The following GRIK2 variants were observed in gnomAD, a reference collection of about 807,000 sequenced individuals.
GRIK2 encodes the protein glutamate ionotropic receptor kainate type subunit 2.
In GRIK2, 32 loss-of-function variants were observed where a neutral mutation model predicts 100.3. The observed-to-expected ratio is 0.32, with a 90% CI of 0.24 to 0.43. GRIK2 has a LOEUF of 0.43. Ranked by LOEUF, GRIK2 falls within the 20% of genes least tolerant of loss-of-function variation. GRIK2 has a pLI of 1.00. For synonymous variants in GRIK2, 417 were observed against 389.4 expected, an observed-to-expected ratio of 1.07 and a Z score of -0.83; for missense variants, 843 against 1,114.9, an observed-to-expected ratio of 0.76 and a Z score of 3.47.
At chr6:101,973,699 G>A (rs893347512) in intron 14 of GRIK2, among the ~76,000 whole-genome samples, 1 of 151,894 alleles carries the variant, frequency 6.6e-6, no homozygotes, top group African/African-American at 2.4e-5. Flanking sequence ...GGGGGAAATT[G>A]CCCTAAATAG....
At chr6:101,440,990 T>TA (rs1465225871) in intron 2 of GRIK2, among the ~76,000 whole-genome samples, 29 of 150,962 alleles carry the variant, frequency 1.9e-4, no homozygotes, top group Admixed American at 7.9e-4. Context: ...TTTTTTTTTT[T>TA]AAGACAGGAT....
intron 12 of GRIK2, among the ~76,000 whole-genome samples, chr6:101,897,858 A>G (rs1306885931): frequency 1.3e-5 from 2 of 151,914 alleles, no homozygotes; most frequent in Non-Finnish European, 2.9e-5. Flanking sequence ...TTAATGCCAA[A>G]CATGACACTT....
intron 15 of GRIK2, among the ~76,000 whole-genome samples, chr6:102,037,652 A>T (rs962157237): frequency 4.0e-5 from 6 of 151,350 alleles, no homozygotes; most frequent in Non-Finnish European, 8.9e-5. Context: ...TATTAAAATG[A>T]TTGTGTTTTC....
intron 2 of GRIK2, among the ~76,000 whole-genome samples, chr6:101,553,935 C>T (rs1376140813): frequency 6.6e-6 from 1 of 152,186 alleles, no homozygotes; most frequent in Admixed American, 6.5e-5. Flanking sequence ...GAGGAACTAT[C>T]TACTGACAGA....
intron 14 of GRIK2, among the ~76,000 whole-genome samples, chr6:102,014,692 C>T (rs1795739518): frequency 6.6e-6 from 1 of 152,104 alleles, no homozygotes; most frequent in African/African-American, 2.4e-5. Flanking sequence ...TCATTATTTA[C>T]TGCAAAGTCA....
chr6:101,806,699 T>C (rs1042795495), intron 9 of GRIK2, among the ~76,000 whole-genome samples: 3 of 151,168 alleles, frequency 2.0e-5, no homozygotes, highest in Admixed American at 2.0e-4. Context: ...ATAGAAACAG[T>C]TTTCCCAGCC....
At chr6:101,918,117 T>G (rs1789238063) in intron 12 of GRIK2, among the ~76,000 whole-genome samples, 1 of 151,674 alleles carries the variant, frequency 6.6e-6, no homozygotes, top group African/African-American at 2.4e-5. Flanking sequence ...TACCGTTAAC[T>G]GCTGTTAAAT....
chr6:101,952,508 C>T (rs1167191858), intron 14 of GRIK2, among the ~76,000 whole-genome samples: 1 of 151,766 alleles, frequency 6.6e-6, no homozygotes, highest in Non-Finnish European at 1.5e-5. Flanking sequence ...TAAATAAAAG[C>T]TCTATTAAGA....
intron 16 of GRIK2, among the ~76,000 whole-genome samples, chr6:102,055,865 C>CT (rs2114506157): frequency 6.6e-6 from 1 of 151,810 alleles, no homozygotes; most frequent in African/African-American, 2.4e-5. Context: ...AAAAAATAAA[C>CT]TTTTGTTGTT....
chr6:101,861,130 T>G, intron 11 of GRIK2, among the ~76,000 whole-genome samples: 1 of 152,124 alleles, frequency 6.6e-6, no homozygotes, highest in East Asian at 1.9e-4. Context: ...TTCTGAAACA[T>G]AAGATAGAGA....
intron 7 of GRIK2, among the ~76,000 whole-genome samples, chr6:101,797,781 T>C (rs1413225971): frequency 6.8e-6 from 1 of 147,102 alleles, no homozygotes; most frequent in African/African-American, 2.5e-5. Flanking sequence ...TATTATATAT[T>C]ACATACTATA....
chr6:102,037,332 T>TAAAG (rs1257417207), intron 15 of GRIK2, among the ~76,000 whole-genome samples: 1 of 151,360 alleles, frequency 6.6e-6, no homozygotes, highest in Non-Finnish European at 1.5e-5. Flanking sequence ...CAATACTTAT[T>TAAAG]AAAGAATTAA....
intron 11 of GRIK2, among the ~76,000 whole-genome samples, chr6:101,886,183 G>A (rs1786599722): frequency 1.3e-5 from 2 of 151,998 alleles, no homozygotes; most frequent in Admixed American, 6.6e-5. Flanking sequence ...CTTTTCAGAG[G>A]CTCTGAACTT....
intron 10 of GRIK2, among the ~76,000 whole-genome samples, chr6:101,822,237 CACACACAA>C: frequency 6.8e-6 from 1 of 146,192 alleles, no homozygotes; most frequent in East Asian, 2.0e-4. Flanking sequence ...CACACACACA[CACACACAA>C]ACACATACAA....
intron 10 of GRIK2, among the ~76,000 whole-genome samples, chr6:101,852,612 C>T (rs570001183): frequency 6.6e-6 from 1 of 152,092 alleles, no homozygotes; most frequent in Non-Finnish European, 1.5e-5. Flanking sequence ...GTAAATCGCT[C>T]AAGTCTAGTT....
At chr6:101,782,061 AC>A (rs1009982889) in intron 7 of GRIK2, among the ~76,000 whole-genome samples, 2 of 152,160 alleles carry the variant, frequency 1.3e-5, no homozygotes, top group African/African-American at 4.8e-5. Context: ...TTTATGGAGT[AC>A]ATGTGATCAT....
At chr6:102,052,643 A>G (rs1001143380) in intron 15 of GRIK2, among the ~76,000 whole-genome samples, 1 of 152,214 alleles carries the variant, frequency 6.6e-6, no homozygotes, top group Non-Finnish European at 1.5e-5. Flanking sequence ...TGAGTTGGCA[A>G]TAATATTATA....
intron 2 of GRIK2, among the ~76,000 whole-genome samples, chr6:101,465,050 T>C (rs1771569366): frequency 2.0e-5 from 3 of 152,200 alleles, no homozygotes; most frequent in Admixed American, 6.5e-5. Flanking sequence ...GCTAACAGGA[T>C]AATATCTGAA....
chr6:101,535,757 T>C (rs1775660896), intron 2 of GRIK2, among the ~76,000 whole-genome samples: 1 of 151,724 alleles, frequency 6.6e-6, no homozygotes, highest in East Asian at 1.9e-4. Flanking sequence ...ATTTTTCCCT[T>C]TTTTTCATTA....
Sources: gnomAD v4.1 joint callset for allele counts (sites outside exome capture counted in the v4.1 genomes callset) on GRCh38, gnomAD v4.1.1 for gene constraint, MANE v1.5 for transcripts, NCBI Gene and HGNC (gene_info 2026-07-23, HGNC 2026-07-21) for gene names.